ADAMTSL3: variants seen among roughly 807,000 people sequenced by gnomAD.
ADAMTSL3 encodes the protein ADAMTS-like protein 3.
Under a neutral mutation model 201.7 loss-of-function variants are expected in ADAMTSL3, and 128 were observed. The observed-to-expected ratio is 0.63, with a 90% CI of 0.55 to 0.73. The LOEUF is 0.73. Ranked by LOEUF, ADAMTSL3 falls within the 30% of genes least tolerant of loss-of-function variation. ADAMTSL3 has a pLI of 0.00. For missense variants in ADAMTSL3, 1,990 were observed against 2,119.6 expected (o/e 0.94, Z 1.20); for synonymous variants, 738 against 748.4 (o/e 0.99, Z 0.23).
At chr15:83,674,626 T>TA (rs2061369121) in intron 2 of ADAMTSL3, among the ~76,000 whole-genome samples, 1 of 150,150 alleles carries the variant, frequency 6.7e-6, no homozygotes, top group Non-Finnish European at 1.5e-5. Flanking sequence ...TGTCTATATA[T>TA]AAACATATAT....
intron 2 of ADAMTSL3, among the ~76,000 whole-genome samples, chr15:83,675,804 T>A (rs2061396722): frequency 3.3e-5 from 5 of 152,114 alleles, no homozygotes; most frequent in Admixed American, 3.3e-4. Flanking sequence ...TTATCTATTT[T>A]ATATTGAGTG....
intron 9 of ADAMTSL3, among the ~76,000 whole-genome samples, chr15:83,876,985 G>C (rs755712826): frequency 6.6e-6 from 1 of 152,134 alleles, no homozygotes; most frequent in African/African-American, 2.4e-5. Context: ...GTAGAGACAG[G>C]GTTTCACCCT....
chr15:83,941,731 G>T (rs1463052155), intron 17 of ADAMTSL3, among the ~76,000 whole-genome samples: 2 of 151,858 alleles, frequency 1.3e-5, no homozygotes, highest in Non-Finnish European at 2.9e-5. Flanking sequence ...TTTAATTTTT[G>T]TGTGTGTGCT....
chr15:83,671,015 G>A (rs74249872), intron 2 of ADAMTSL3, among the ~76,000 whole-genome samples: 10,336 of 152,112 alleles, frequency 0.068, 554 homozygotes, highest in East Asian at 0.18. Flanking sequence ...TTGTGTTCCT[G>A]GCATTAACTG....
At chr15:83,862,887 G>T (rs2064895761) in intron 8 of ADAMTSL3, 1 of 152,102 alleles carries the variant, frequency 6.6e-6, no homozygotes, top group Admixed American at 6.6e-5. Context: ...CTCACGTGCA[G>T]AGACACACAT....
Position 84,037,762 on chromosome 15 carries a change from G to C in ADAMTSL3, c.5032G>C (p.Asp1678His), listed in dbSNP as rs2068537325. ...AAAACATCTTAATTTGTGTTCTCTA[G>C]ACCGCTACAAACAAAGGTGCTGCCA... The part of the protein sequence containing the change: ...FVKHLNLCSL[D>H]RYKQRCCQSC... The change falls in exon 30 of 30, where the codon GAC becomes CAC. Residue 1678 changes from aspartate to histidine, a missense_variant. Asp to His is a moderately conservative substitution (Grantham distance 81). Transcript: ENST00000286744. 1 of 1,613,788 alleles carries C rather than the reference G, an allele frequency of 6.2e-7. No individual in the cohort carries two copies. Among genetic ancestry groups the C allele is most frequent in the African/African-American group, 1.3e-5 (1 of 74,878 alleles).
chr15:83,972,911 T>A (rs1596483554), intron 20 of ADAMTSL3, among the ~76,000 whole-genome samples: 1 of 152,118 alleles, frequency 6.6e-6, no homozygotes, highest in African/African-American at 2.4e-5. Context: ...AGAGATGAGG[T>A]TGGCATTCTC....
intron 3 of ADAMTSL3, among the ~76,000 whole-genome samples, chr15:83,725,318 C>G (rs2062157463): frequency 6.6e-6 from 1 of 152,104 alleles, no homozygotes; most frequent in Non-Finnish European, 1.5e-5. Context: ...ATGCTGAGTA[C>G]TTTTTCATAT....
chr15:83,885,239 A>G (rs2065363181), intron 10 of ADAMTSL3, 27 bp downstream of exon 10: 4 of 1,529,930 alleles, frequency 2.6e-6, no homozygotes, highest in Non-Finnish European at 3.6e-6. Context: ...GTTCATGAAT[A>G]TTTAGAGCTC....
intron 15 of ADAMTSL3, 56 bp from the exon 16 acceptor site, chr15:83,913,023 TCCTCCTTTTCTGG>T: frequency 6.6e-7 from 1 of 1,515,868 alleles, no homozygotes; most frequent in East Asian, 2.3e-5. Flanking sequence ...AATGTGTCAC[TCCTCCTTTTCTGG>T]CCTATATTTA....
At chr15:83,687,055 CAGTT>C (rs1027304717) in intron 2 of ADAMTSL3, among the ~76,000 whole-genome samples, 21 of 150,530 alleles carry the variant, frequency 1.4e-4, no homozygotes, top group Admixed American at 2.6e-4. Context: ...AACAAACAAA[CAGTT>C]AGCTGGCATA....
At chr15:83,775,570 T>G (rs777072327) in intron 4 of ADAMTSL3, among the ~76,000 whole-genome samples, 2 of 152,320 alleles carry the variant, frequency 1.3e-5, no homozygotes, top group East Asian at 3.9e-4. Context: ...GTTGTTCAAC[T>G]TCTTCCATCT....
intron 25 of ADAMTSL3, among the ~76,000 whole-genome samples, chr15:84,020,562 G>T (rs1346373731): frequency 6.6e-6 from 1 of 152,150 alleles, no homozygotes; most frequent in Non-Finnish European, 1.5e-5. Context: ...AAAATCAGAA[G>T]GAAAAAGTGG....
chr15:83,842,901 C>T lies in ADAMTSL3; in HGVS notation c.727+4686C>T, dbSNP rs151279630. On this transcript the variant is annotated intron_variant, in intron 7 of 29. Coordinates refer to ENST00000286744, the MANE Select transcript of ADAMTSL3 (RefSeq NM_207517.3). Reference sequence around the variant, plus strand: ...TTGGAAATCTCATCAGAAAATACCTCGTTTTGTCAGGGTCCAAGAAAGATT... The same window carrying T: ...TTGGAAATCTCATCAGAAAATACCTTGTTTTGTCAGGGTCCAAGAAAGATT... 2.9e-3 allele frequency among the ~76,000 whole-genome samples: 439 copies of T among 152,274 alleles called. 3 individuals are homozygous for T. The highest frequency in any genetic ancestry group is 9.8e-3 in the African/African-American group (407 of 41,550).
intron 2 of ADAMTSL3, among the ~76,000 whole-genome samples, chr15:83,698,900 G>C (rs1364035134): frequency 2.0e-5 from 3 of 151,966 alleles, no homozygotes; most frequent in Non-Finnish European, 2.9e-5. Flanking sequence ...TCTGTTTGAC[G>C]CTAAATCTTC....
chr15:84,007,927 AT>A (rs1411804003), intron 23 of ADAMTSL3, among the ~76,000 whole-genome samples: 1 of 152,112 alleles, frequency 6.6e-6, no homozygotes, highest in East Asian at 1.9e-4. Context: ...TTAGTTCTTG[AT>A]TTCCATTTAT....
intron 17 of ADAMTSL3, among the ~76,000 whole-genome samples, chr15:83,937,811 T>A (rs1189864685): frequency 1.3e-5 from 2 of 151,046 alleles, no homozygotes; most frequent in Non-Finnish European, 2.9e-5. Context: ...TATCACCTTA[T>A]ATTAATCAGG....
chr15:83,980,790 G>A (rs2067372695), intron 20 of ADAMTSL3, among the ~76,000 whole-genome samples: 1 of 152,168 alleles, frequency 6.6e-6, no homozygotes, highest in Non-Finnish European at 1.5e-5. Context: ...CCCTGAACCT[G>A]TTGACACCAC....
chr15:83,760,540 GTTAC>G (rs1186880385), intron 3 of ADAMTSL3, among the ~76,000 whole-genome samples: 1 of 151,926 alleles, frequency 6.6e-6, no homozygotes, highest in Admixed American at 6.6e-5. Context: ...ATTCTGTATC[GTTAC>G]TTATTTTTTT....
Sources: allele counts gnomAD v4.1 joint callset (sites outside exome capture counted in the v4.1 genomes callset), GRCh38; gene constraint gnomAD v4.1.1; transcripts MANE v1.5; gene names NCBI Gene and HGNC (gene_info 2026-07-23, HGNC 2026-07-21).